Variants in SLC12A4 observed in about 807,000 individuals in gnomAD.
SLC12A4 encodes solute carrier family 12 member 4.
SLC12A4 carries 84 observed loss-of-function variants against 119.2 expected under a neutral mutation model. The ratio of observed to expected loss-of-function variants is 0.70; its 90% confidence interval spans 0.59 to 0.85. SLC12A4 has a LOEUF of 0.85. SLC12A4 is among the 40% of genes least tolerant of loss of function. SLC12A4 has a pLI of 0.00. For synonymous variants in SLC12A4, 599 were observed against 604.6 expected, an observed-to-expected ratio of 0.99 and a Z score of 0.14; for missense variants, 1,298 against 1,476.3, an observed-to-expected ratio of 0.88 and a Z score of 1.98.
Position 67,945,386 on chromosome 16 carries a change from C to G in SLC12A4, c.3015G>C (p.Glu1005Asp), listed in dbSNP as rs770211536. The change falls in exon 22 of 24, where the codon GAG becomes GAC. Residue 1005 changes from glutamate (E) to aspartate (D), a missense_variant. Transcript: ENST00000316341. ...GCACTCACGGCTTAATGTGCACCAG[C>G]TCCCGGAAATTGTCAGGGGCATGGC... ...DPSHAPDNFR[E>D]LVHIKPDQSN... 2.5e-6 allele frequency: 4 copies of G among 1,613,614 alleles called. No homozygotes were observed. Among genetic ancestry groups the G allele is most frequent in the Non-Finnish European group, 3.4e-6 (4 of 1,179,802 alleles).
intron 1 of SLC12A4, among the ~76,000 whole-genome samples, chr16:67,965,065 T>C (rs548338083): frequency 3.9e-5 from 6 of 152,310 alleles, no homozygotes; most frequent in Non-Finnish European, 8.8e-5. Flanking sequence ...CACATTCACA[T>C]AGGTCAATGC....
At position 67,949,450 on chromosome 16, in the gene SLC12A4, CAA is replaced by C. The variant is rs879789162; in HGVS notation, c.1748+348_1748+349del. The C allele has an allele frequency of 2.3e-4, 34 of 147,306 alleles. No homozygotes were observed. Among genetic ancestry groups the C allele is most frequent in the South Asian group, 4.4e-4 (3 of 6,816 alleles). 9.1% of individuals were successfully genotyped at this position (147,306 alleles called of 1,614,324 possible). On this transcript the variant is annotated intron_variant, in intron 13 of 23. Transcript: ENST00000316341. The surrounding 1 kb of genome is among the most constrained non-coding windows in gnomAD (Gnocchi z 4.6). The stretch of plus-strand genomic sequence containing the variant: ...TGGGTGAGAGAGTGAGACTCTGTCT[CAA>C]AAAAAAAAAACAAAAACCAAAAAAC...
Position 67,951,764 on chromosome 16 carries a change from C to T in SLC12A4, c.1132+59G>A. 1 of 1,441,644 alleles carries T rather than the reference C, an allele frequency of 6.9e-7. No individual in the cohort carries two copies. The highest frequency in any genetic ancestry group is 9.5e-7 in the Non-Finnish European group (1 of 1,050,238). 89.3% of individuals were successfully genotyped at this position (1,441,644 alleles called of 1,614,324 possible). A position where few individuals can be genotyped will look rare whatever the true frequency, so the allele number is the denominator to read the frequency against. On this transcript the variant is annotated intron_variant, in intron 8 of 23. Transcript: ENST00000316341. The surrounding 1 kb of genome is among the most constrained non-coding windows in gnomAD (Gnocchi z 5.2). ...CTGGCCACACAAGGACAGCTCTGTG[C>T]TCTGTGCCCCTGCTCAGCCTGTGGG... is the stretch of plus-strand genomic sequence containing the variant.
chr16:67,946,688 C>A, intron 17 of SLC12A4, 55 bp from the exon 18 acceptor site: 1 of 1,560,612 alleles, frequency 6.4e-7, no homozygotes, highest in Non-Finnish European at 8.7e-7. Context: ...TGCCTCTGGG[C>A]TCCCTCCCAA....
intron 5 of SLC12A4, 91 bp from the exon 6 acceptor site, chr16:67,954,864 G>A: frequency 6.6e-7 from 1 of 1,506,830 alleles, no homozygotes; most frequent in Non-Finnish European, 9.1e-7. Flanking sequence ...CACCCAGAGG[G>A]ACAGGGACTG....
intron 1 of SLC12A4, 121 bp from the exon 2 acceptor site, chr16:67,963,680 T>A (rs903310611): frequency 1.2e-6 from 1 of 860,120 alleles, no homozygotes; most frequent in Non-Finnish European, 1.8e-6. Context: ...TGTCACCAGG[T>A]TGCAACTCAG....
intron 14 of SLC12A4, 36 bp from the exon 15 acceptor site, chr16:67,947,824 C>A (rs528228241): frequency 3.2e-5 from 50 of 1,557,686 alleles, no homozygotes; most frequent in Admixed American, 2.5e-4. Flanking sequence ...AGGGCAGGAC[C>A]AGGAGGACCC....
At chr16:67,948,347 G>A (rs1214530144) in intron 13 of SLC12A4, among the ~76,000 whole-genome samples, 188 bp from the exon 14 acceptor site, 2 of 152,246 alleles carry the variant, frequency 1.3e-5, no homozygotes, top group Non-Finnish European at 2.9e-5. Context: ...AGGAGTCCTC[G>A]GAGCCAGATC....
At chr16:67,957,477 C>T (rs900991150) in intron 5 of SLC12A4, 11 of 446,712 alleles carry the variant, frequency 2.5e-5, no homozygotes, top group Admixed American at 3.8e-5. Context: ...CCTTTTTTTG[C>T]ACTTTCAAAC....
chr16:67,944,559 A>C lies in SLC12A4; in HGVS notation c.*281T>G. ...GGCTGGGCCGGGCCGGCTGCCTTCA[A>C]ACCCCACTCGGCCCCTACCAGTCTT... On this transcript the variant is annotated 3_prime_UTR_variant, in exon 24 of 24. Coordinates refer to ENST00000316341, the MANE Select transcript of SLC12A4 (RefSeq NM_005072.5). This position sits in a 1 kb window ranked among gnomAD's most constrained non-coding sequence, Gnocchi z 6.6. 1 of 1,301,360 alleles carries C rather than the reference A, an allele frequency of 7.7e-7. No homozygotes were observed. Among genetic ancestry groups the C allele is most frequent in the Non-Finnish European group, 9.8e-7 (1 of 1,025,542 alleles). The allele number at this position is 1,301,360 out of a possible 1,614,324, so 80.6% of individuals were successfully genotyped here.
In SLC12A4 at chr16:67,951,105, G is replaced by A. The variant is rs766630792; in HGVS notation, c.1297+35C>T. ...TCCCTCAGGGGCTCCCCGGGATTGG[G>A]GACAGGGCTGGGTGGGTAGGCAGGC... On this transcript the variant is annotated intron_variant, in intron 9 of 23. Coordinates refer to ENST00000316341, the MANE Select transcript of SLC12A4 (RefSeq NM_005072.5). This position sits in a 1 kb window ranked among gnomAD's most constrained non-coding sequence, Gnocchi z 5.2. 10 of 1,613,662 alleles carry A rather than the reference G, an allele frequency of 6.2e-6. No individual in the cohort carries two copies. Among genetic ancestry groups the A allele is most frequent in the Non-Finnish European group, 6.8e-6 (8 of 1,179,778 alleles).
Position 67,968,604 on chromosome 16 carries a change from C to CCCAGCCG in SLC12A4, c.-52_-51insCGGCTGG, listed in dbSNP as rs2030973068. ...CGCCGTCCCAGCCGCCCGCCGCTGTCCCCGCCGCTGTCCCCGCCGCCCCGG... is the reference window on the plus strand; with the variant it reads ...CGCCGTCCCAGCCGCCCGCCGCTGTCCCAGCCGCCCGCCGCTGTCCCCGCCGCCCCGG... On this transcript the variant is annotated 5_prime_UTR_variant, in exon 1 of 24. Coordinates refer to ENST00000316341, the MANE Select transcript of SLC12A4 (RefSeq NM_005072.5). The CCCAGCCG allele has an allele frequency of 7.3e-7, 1 of 1,372,690 alleles. No individual in the cohort carries two copies. Among genetic ancestry groups the CCCAGCCG allele is most frequent in the Non-Finnish European group, 9.5e-7 (1 of 1,053,026 alleles). 85.0% of individuals were successfully genotyped at this position (1,372,690 alleles called of 1,614,324 possible).
intron 1 of SLC12A4, among the ~76,000 whole-genome samples, chr16:67,967,745 T>C (rs892879538): frequency 3.9e-5 from 6 of 152,192 alleles, no homozygotes; most frequent in Non-Finnish European, 5.9e-5. Flanking sequence ...GGGCAAGTTA[T>C]ATAACCGCCA....
intron 15 of SLC12A4, 67 bp downstream of exon 15, chr16:67,947,602 C>A: frequency 6.5e-7 from 1 of 1,549,290 alleles, no homozygotes. Flanking sequence ...ACCCCAATGC[C>A]AGACCACCCT....
intron 1 of SLC12A4, among the ~76,000 whole-genome samples, chr16:67,967,076 G>A (rs1366064685): frequency 6.6e-6 from 1 of 152,204 alleles, no homozygotes; most frequent in East Asian, 1.9e-4. Context: ...TTGACCACTT[G>A]AATCAAGCTA....
intron 6 of SLC12A4, among the ~76,000 whole-genome samples, chr16:67,953,549 G>A (rs1195008677): frequency 6.6e-6 from 1 of 152,230 alleles, no homozygotes; most frequent in Non-Finnish European, 1.5e-5. Flanking sequence ...GGAATGGAGA[G>A]TGACTGCTAA....
intron 3 of SLC12A4, among the ~76,000 whole-genome samples, chr16:67,958,981 A>G (rs767219608): frequency 1.3e-5 from 2 of 152,244 alleles, no homozygotes; most frequent in Non-Finnish European, 2.9e-5. Context: ...TTACTATATT[A>G]GGGCAGGCTT....
At chr16:67,958,078 C>A in intron 3 of SLC12A4, 34 bp from the exon 4 acceptor site, 2 of 1,603,152 alleles carry the variant, frequency 1.2e-6, no homozygotes, top group Middle Eastern at 1.7e-4. Context: ...GCGAGTAGAG[C>A]ATCAGAGGGA....
Position 67,951,424 on chromosome 16 carries a change from C to A in SLC12A4, c.1133-120G>T. 9.0e-7 allele frequency: 1 copy of A among 1,114,056 alleles called. No homozygotes were observed. Among genetic ancestry groups the A allele is most frequent in the Non-Finnish European group, 1.3e-6 (1 of 786,990 alleles). The allele number at this position is 1,114,056 out of a possible 1,614,324, so 69.0% of individuals were successfully genotyped here. Reference sequence around the variant, plus strand: ...GGGGACTCAGGGAACAGCTTCAGCCCAATGACTGCAGCGTCAGCCACAGGG... The same window carrying A: ...GGGGACTCAGGGAACAGCTTCAGCCAAATGACTGCAGCGTCAGCCACAGGG... On this transcript the variant is annotated intron_variant, in intron 8 of 23. Coordinates refer to ENST00000316341, the MANE Select transcript of SLC12A4 (RefSeq NM_005072.5). This position sits in a 1 kb window ranked among gnomAD's most constrained non-coding sequence, Gnocchi z 5.2.
Sources: allele counts gnomAD v4.1 joint callset (sites outside exome capture counted in the v4.1 genomes callset), GRCh38; gene constraint gnomAD v4.1.1; non-coding constraint Gnocchi (gnomAD v3.1); transcripts MANE v1.5; gene names NCBI Gene and HGNC (gene_info 2026-07-23, HGNC 2026-07-21).